CLNK: variants seen among roughly 807,000 people sequenced by gnomAD.
CLNK encodes cytokine dependent hematopoietic cell linker, also known as cytokine-dependent hematopoietic cell linker.
Under a neutral mutation model 68.6 loss-of-function variants are expected in CLNK, and 74 were observed. The ratio of observed to expected loss-of-function variants is 1.08; its 90% CI spans 0.89 to 1.31. CLNK has a LOEUF of 1.31. CLNK is among the 50% of genes most tolerant of loss of function. The pLI, the probability that CLNK is intolerant of heterozygous loss-of-function variation, is 0.00. For missense variants in CLNK, 553 were observed against 515.3 expected, an observed-to-expected ratio of 1.07 and a Z score of -0.71; for synonymous variants, 198 against 172.2, an observed-to-expected ratio of 1.15 and a Z score of -1.17.
At chr4:10,534,350 A>G (rs559391986) in intron 11 of CLNK, among the ~76,000 whole-genome samples, 92 of 152,312 alleles carry the variant, frequency 6.0e-4, no homozygotes, top group African/African-American at 2.2e-3. Context: ...GAAAAAAACC[A>G]TGGTCATTAA....
the CLNK span, among the ~76,000 whole-genome samples, chr4:10,726,278 A>C: frequency 6.6e-6 from 1 of 151,954 alleles, no homozygotes; most frequent in Admixed American, 6.5e-5. Flanking sequence ...CTGCCACCAC[A>C]CCCAGCTAAT....
intron 11 of CLNK, among the ~76,000 whole-genome samples, chr4:10,539,149 C>T (rs543939038): frequency 3.3e-5 from 5 of 152,244 alleles, no homozygotes; most frequent in Admixed American, 2.0e-4. Context: ...AAACACAGAC[C>T]ATTTGAATCG....
the CLNK span, among the ~76,000 whole-genome samples, chr4:10,699,219 C>G: frequency 9.2e-6 from 1 of 108,896 alleles, no homozygotes; most frequent in African/African-American, 2.9e-5. Context: ...ATACACACCA[C>G]ATATGTGTGT....
At chr4:10,719,589 A>G in the CLNK span, among the ~76,000 whole-genome samples, 1 of 152,164 alleles carries the variant, frequency 6.6e-6, no homozygotes, top group Admixed American at 6.5e-5. Flanking sequence ...GATAGAATTA[A>G]AAGAAGAAAT....
At chr4:10,711,891 T>A in the CLNK span, among the ~76,000 whole-genome samples, 1 of 152,176 alleles carries the variant, frequency 6.6e-6, no homozygotes, top group Non-Finnish European at 1.5e-5. Flanking sequence ...TTGGGAGAAA[T>A]TTCAGAAATA....
rs1246414735 is a variant in CLNK at position 10,514,798 on chromosome 4, A to G, written c.773-1201T>C. Among the ~76,000 whole-genome samples the G allele has an allele frequency of 4.0e-5, 6 of 151,834 alleles. No individual in the cohort carries two copies. In the East Asian group the frequency reaches 1.2e-3, roughly 29 times the overall value. ...CTTCTGCACAGCAAAAGAAACTACC[A>G]TCAGAGTGAACAGGCAACCTACAAC... On this transcript the variant is annotated intron_variant, in intron 15 of 18. Coordinates refer to ENST00000226951, the MANE Select transcript of CLNK (RefSeq NM_052964.4).
chr4:10,487,362 G>A lies in CLNK; in HGVS notation c.*3105C>T, dbSNP rs539132341. ...ATTATAAAATGCATTAGAAATAGCTGCCCTCTCTTCTTTACAGAAGTGTTG... is the reference window on the plus strand; with the variant it reads ...ATTATAAAATGCATTAGAAATAGCTACCCTCTCTTCTTTACAGAAGTGTTG... On this transcript the variant is annotated 3_prime_UTR_variant, in exon 19 of 19. Coordinates refer to ENST00000226951, the MANE Select transcript of CLNK (RefSeq NM_052964.4). The A allele has an allele frequency of 2.0e-5, 3 of 152,192 alleles. No homozygotes were observed. Among genetic ancestry groups the A allele is most frequent in the Non-Finnish European group, 2.9e-5 (2 of 68,040 alleles). The allele number at this position is 152,192 out of a possible 1,614,324, so 9.4% of individuals were successfully genotyped here.
intron 2 of CLNK, among the ~76,000 whole-genome samples, chr4:10,610,063 T>G (rs1721950684): frequency 6.0e-5 from 1 of 16,704 alleles, no homozygotes; most frequent in East Asian, 2.4e-3. Context: ...TTTTTTTTTT[T>G]TTTTTTTTTT....
chr4:10,701,273 T>A, the CLNK span, among the ~76,000 whole-genome samples: 1 of 152,234 alleles, frequency 6.6e-6, no homozygotes, highest in Admixed American at 6.5e-5. Context: ...TAAAATGAAA[T>A]CTCCCGCTTA....
At chr4:10,564,628 A>G (rs776346766) in intron 7 of CLNK, 43 bp downstream of exon 7, 2 of 1,346,190 alleles carry the variant, frequency 1.5e-6, no homozygotes, top group Non-Finnish European at 2.1e-6. Context: ...GGTTAGGAAG[A>G]GCCCTACACA....
chr4:10,630,813 C>T (rs1722857223), intron 2 of CLNK, among the ~76,000 whole-genome samples: 1 of 152,150 alleles, frequency 6.6e-6, no homozygotes, highest in Non-Finnish European at 1.5e-5. Flanking sequence ...AGGTAGGCAC[C>T]ACTGCCCTAT....
At chr4:10,501,998 C>T (rs746977888) in intron 17 of CLNK, among the ~76,000 whole-genome samples, 1 of 152,224 alleles carries the variant, frequency 6.6e-6, no homozygotes. Flanking sequence ...TGCTCATGAA[C>T]TTAGCATGAC....
At chr4:10,586,240 G>A (rs1720961329) in intron 3 of CLNK, among the ~76,000 whole-genome samples, 1 of 152,050 alleles carries the variant, frequency 6.6e-6, no homozygotes, top group African/African-American at 2.4e-5. Context: ...TATTTTGAAG[G>A]GGCATTTAGG....
chr4:10,633,384 G>A (rs1208984688), intron 2 of CLNK, among the ~76,000 whole-genome samples: 4 of 152,220 alleles, frequency 2.6e-5, no homozygotes, highest in South Asian at 2.1e-4. Context: ...CGACTGATGG[G>A]CTGCAGCTTT....
At chr4:10,517,618 C>T (rs934888714) in intron 15 of CLNK, among the ~76,000 whole-genome samples, 5 of 152,174 alleles carry the variant, frequency 3.3e-5, no homozygotes, top group African/African-American at 1.2e-4. Context: ...TAGGAACATA[C>T]TCAAGAAGGG....
chr4:10,619,140 T>G (rs187213845), intron 2 of CLNK, among the ~76,000 whole-genome samples: 2 of 152,330 alleles, frequency 1.3e-5, no homozygotes, highest in African/African-American at 4.8e-5. Flanking sequence ...TGAAACTTGG[T>G]AACACATTAG....
intron 2 of CLNK, among the ~76,000 whole-genome samples, chr4:10,653,980 T>C (rs573737901): frequency 5.3e-5 from 8 of 152,136 alleles, no homozygotes; most frequent in Non-Finnish European, 1.0e-4. Context: ...TAGCTGAAAA[T>C]CTTCCCTCAA....
chr4:10,512,026 A>T (rs1297222305), intron 16 of CLNK, among the ~76,000 whole-genome samples: 1 of 152,204 alleles, frequency 6.6e-6, no homozygotes, highest in Non-Finnish European at 1.5e-5. Context: ...GCCACAAATC[A>T]TAAAGGTATA....
chr4:10,679,302 T>C (rs1284906241), intron 1 of CLNK, among the ~76,000 whole-genome samples: 2 of 152,240 alleles, frequency 1.3e-5, no homozygotes, highest in Admixed American at 6.5e-5. Context: ...CTGGGAAAAC[T>C]GGCTAGCCAT....
Sources: allele counts gnomAD v4.1 joint callset (sites outside exome capture counted in the v4.1 genomes callset), GRCh38; gene constraint gnomAD v4.1.1; transcripts MANE v1.5; gene names NCBI Gene and HGNC (gene_info 2026-07-23, HGNC 2026-07-21).